SLCO5A1: variants seen among roughly 807,000 people sequenced by gnomAD.
The protein encoded by SLCO5A1 is organic anion transporter polypeptide-related protein 4.
A neutral mutation model predicts 65.1 loss-of-function variants in SLCO5A1; 39 were observed. The ratio of observed to expected loss-of-function variants is 0.60; its 90% CI spans 0.46 to 0.78. The LOEUF (loss-of-function observed/expected upper bound fraction) is 0.78. SLCO5A1 is among the 30% of genes least tolerant of loss of function. SLCO5A1 has a pLI of 0.00. For missense variants in SLCO5A1, 1,029 were observed against 1,069.4 expected, an observed-to-expected ratio of 0.96 and a Z score of 0.53; for synonymous variants, 438 against 415.7, an observed-to-expected ratio of 1.05 and a Z score of -0.65.
chr8:69,710,174 A>G (rs1310793667), intron 5 of SLCO5A1, among the ~76,000 whole-genome samples: 4 of 151,918 alleles, frequency 2.6e-5, no homozygotes, highest in African/African-American at 9.7e-5. Context: ...GCTGGCAACC[A>G]CGACCGGCTA....
chr8:69,778,107 C>T (rs1276993025), intron 2 of SLCO5A1, among the ~76,000 whole-genome samples: 5 of 151,962 alleles, frequency 3.3e-5, no homozygotes, highest in South Asian at 2.1e-4. Flanking sequence ...GGTATGTATA[C>T]GTATGAAAAG....
chr8:69,780,429 A>T (rs1459675101), intron 2 of SLCO5A1, among the ~76,000 whole-genome samples: 1 of 152,184 alleles, frequency 6.6e-6, no homozygotes, highest in Non-Finnish European at 1.5e-5. Flanking sequence ...AGGACTGGAT[A>T]AAGAAAATGT....
At chr8:69,726,791 A>G (rs759898570) in intron 5 of SLCO5A1, among the ~76,000 whole-genome samples, 10 of 152,074 alleles carry the variant, frequency 6.6e-5, no homozygotes, top group Non-Finnish European at 1.3e-4. Context: ...ATGAGCCACC[A>G]TGCCCGGCCT....
At position 69,669,986 on chromosome 8, in the gene SLCO5A1, A is replaced by G. The variant is rs1353319576; in HGVS notation, c.*2883T>C. 1 of 152,176 alleles carries G rather than the reference A, an allele frequency of 6.6e-6. No individual in the cohort carries two copies. 9.4% of individuals were successfully genotyped at this position (152,176 alleles called of 1,614,324 possible). On this transcript the variant is annotated 3_prime_UTR_variant, in exon 10 of 10. Transcript: ENST00000260126. ...CTCCATCCCCAACACCTTGACTCTG[A>G]ATTACTTTTGAATATTTTCAAGAAT...
intron 2 of SLCO5A1, among the ~76,000 whole-genome samples, chr8:69,824,809 G>T (rs1324720442): frequency 1.3e-5 from 2 of 152,064 alleles, no homozygotes; most frequent in Non-Finnish European, 2.9e-5. Context: ...CCAAAGCCTG[G>T]CAGAGACACA....
intron 2 of SLCO5A1, among the ~76,000 whole-genome samples, chr8:69,820,265 T>C (rs1232522454): frequency 1.3e-5 from 2 of 152,212 alleles, no homozygotes; most frequent in Non-Finnish European, 2.9e-5. Flanking sequence ...ACACAGCAGT[T>C]GTCACTAAGA....
At chr8:69,788,067 C>T (rs762826729) in intron 2 of SLCO5A1, among the ~76,000 whole-genome samples, 1 of 152,110 alleles carries the variant, frequency 6.6e-6, no homozygotes, top group Admixed American at 6.5e-5. Flanking sequence ...TCATTAGAGT[C>T]CTACATAACA....
intron 7 of SLCO5A1, among the ~76,000 whole-genome samples, chr8:69,679,839 A>AG (rs1813693168): frequency 6.6e-6 from 1 of 152,154 alleles, no homozygotes; most frequent in African/African-American, 2.4e-5. Context: ...TTTAAACCTA[A>AG]ACTTTTCTAA....
At chr8:69,768,961 C>T (rs1469730781) in intron 2 of SLCO5A1, among the ~76,000 whole-genome samples, 5 of 152,316 alleles carry the variant, frequency 3.3e-5, no homozygotes, top group Admixed American at 1.3e-4. Context: ...GATTTCTCTC[C>T]TGACTGTGCT....
At chr8:69,715,345 T>C (rs1815465325) in intron 5 of SLCO5A1, among the ~76,000 whole-genome samples, 1 of 152,226 alleles carries the variant, frequency 6.6e-6, no homozygotes, top group Non-Finnish European at 1.5e-5. Context: ...CAATTTTCTG[T>C]ACTGGGTTTC....
intron 5 of SLCO5A1, among the ~76,000 whole-genome samples, chr8:69,726,496 CT>C (rs1554613253): frequency 0.015 from 1,669 of 114,954 alleles, 21 homozygotes; most frequent in Middle Eastern, 0.028. Flanking sequence ...TTCCTACCTC[CT>C]TTTTTTTTTT....
At chr8:69,810,810 G>A (rs979123200) in intron 2 of SLCO5A1, among the ~76,000 whole-genome samples, 15 of 152,172 alleles carry the variant, frequency 9.9e-5, no homozygotes, top group African/African-American at 2.9e-4. Flanking sequence ...CTCAGCTGCA[G>A]CAAGATTGGG....
intron 6 of SLCO5A1, 125 bp from the exon 7 acceptor site, chr8:69,682,468 T>C: frequency 1.1e-6 from 1 of 908,206 alleles, no homozygotes; most frequent in Non-Finnish European, 1.5e-6. Flanking sequence ...AAAGCCATGA[T>C]ACCCAAAGTA....
intron 5 of SLCO5A1, among the ~76,000 whole-genome samples, chr8:69,735,262 C>T (rs542122387): frequency 8.5e-5 from 13 of 152,248 alleles, no homozygotes; most frequent in African/African-American, 2.4e-4. Flanking sequence ...GACAGTATGG[C>T]GATTCCTCAA....
intron 2 of SLCO5A1, among the ~76,000 whole-genome samples, chr8:69,796,326 T>C (rs1178817091): frequency 6.6e-6 from 1 of 151,976 alleles, no homozygotes; most frequent in African/African-American, 2.4e-5. Flanking sequence ...TAAATATAAA[T>C]TCCAGGGCCA....
chr8:69,833,885 G>GT (rs1821293118), intron 1 of SLCO5A1: 11 of 152,284 alleles, frequency 7.2e-5, no homozygotes, highest in Admixed American at 7.2e-4. Context: ...CCAGAGCGCG[G>GT]TATCAAACGA....
At chr8:69,730,602 G>C (rs950284574) in intron 5 of SLCO5A1, among the ~76,000 whole-genome samples, 2 of 152,154 alleles carry the variant, frequency 1.3e-5, no homozygotes, top group African/African-American at 4.8e-5. Flanking sequence ...AATCATCAAC[G>C]TGCATCTGTA....
At chr8:69,743,050 T>A (rs1397463078) in intron 4 of SLCO5A1, among the ~76,000 whole-genome samples, 1 of 152,112 alleles carries the variant, frequency 6.6e-6, no homozygotes, top group African/African-American at 2.4e-5. Context: ...TCTGCCCGCC[T>A]CGGCCTCCCA....
intron 4 of SLCO5A1, among the ~76,000 whole-genome samples, chr8:69,752,371 C>T (rs1817349221): frequency 6.6e-6 from 1 of 151,352 alleles, no homozygotes; most frequent in Admixed American, 6.6e-5. Flanking sequence ...TTTTTTAAGG[C>T]AAGACCTCAA....
Sources: gnomAD v4.1 joint callset for allele counts (sites outside exome capture counted in the v4.1 genomes callset) on GRCh38, gnomAD v4.1.1 for gene constraint, MANE v1.5 for transcripts, NCBI Gene and HGNC (gene_info 2026-07-23, HGNC 2026-07-21) for gene names.